Variants in MYO1D observed in about 807,000 individuals in gnomAD.
MYO1D encodes unconventional myosin-Id.
A neutral mutation model predicts 122.0 loss-of-function variants in MYO1D; 83 were observed. That is an observed-to-expected ratio of 0.68 (90% CI 0.57 to 0.82). The LOEUF is 0.82. MYO1D is among the 40% of genes least tolerant of loss of function. The pLI, the probability that MYO1D is intolerant of heterozygous loss-of-function variation, is 0.00. For missense variants in MYO1D, 1,157 were observed against 1,269.5 expected (o/e 0.91, Z 1.35); for synonymous variants, 464 against 446.9 (o/e 1.04, Z -0.48).
At chr17:32,804,279 T>C (rs2090488536) in intron 1 of MYO1D, among the ~76,000 whole-genome samples, 1 of 152,220 alleles carries the variant, frequency 6.6e-6, no homozygotes, top group Non-Finnish European at 1.5e-5. Context: ...AGTACAGATG[T>C]AGATTTCCAA....
intron 1 of MYO1D, among the ~76,000 whole-genome samples, chr17:32,830,959 G>GGCAGGAGAATCGCTTGAAC (rs1446535270): frequency 3.3e-4 from 51 of 152,268 alleles, no homozygotes; most frequent in African/African-American, 1.2e-3. Context: ...GGGAGGCTGA[G>GGCAGGAGAATCGCTTGAAC]GCAGGAGAAT....
intron 8 of MYO1D, among the ~76,000 whole-genome samples, chr17:32,764,620 T>C (rs1048048165): frequency 1.3e-5 from 2 of 152,186 alleles, no homozygotes; most frequent in Admixed American, 6.5e-5. Flanking sequence ...CGAAGCATTA[T>C]TGAGTGAGAG....
At chr17:32,527,175 G>T (rs1247078504) in intron 21 of MYO1D, among the ~76,000 whole-genome samples, 1 of 152,178 alleles carries the variant, frequency 6.6e-6, no homozygotes, top group Non-Finnish European at 1.5e-5. Flanking sequence ...ATTTGGCCTG[G>T]GATCCAACTT....
At chr17:32,514,413 C>T (rs1346026976) in intron 21 of MYO1D, among the ~76,000 whole-genome samples, 2 of 152,066 alleles carry the variant, frequency 1.3e-5, no homozygotes, top group African/African-American at 4.8e-5. Flanking sequence ...TCTTTTTATT[C>T]AATGTTAGTC....
intron 1 of MYO1D, among the ~76,000 whole-genome samples, chr17:32,833,931 A>G (rs752952502): frequency 1.3e-5 from 2 of 150,924 alleles, no homozygotes; most frequent in Non-Finnish European, 2.9e-5. Context: ...CTCTCTCCAC[A>G]TTGTGCTTTT....
intron 1 of MYO1D, among the ~76,000 whole-genome samples, chr17:32,802,419 T>A (rs562108982): frequency 5.3e-5 from 8 of 152,166 alleles, no homozygotes; most frequent in Admixed American, 1.3e-4. Context: ...AAGAAAAAAA[T>A]TTTTTTCTGG....
intron 21 of MYO1D, chr17:32,499,219 G>A (rs1440624063): frequency 6.6e-6 from 1 of 151,976 alleles, no homozygotes; most frequent in Non-Finnish European, 1.5e-5. Flanking sequence ...CATCCTACAA[G>A]TGTCAAGCAT....
At chr17:32,616,539 T>C (rs2087771098) in intron 20 of MYO1D, among the ~76,000 whole-genome samples, 1 of 151,910 alleles carries the variant, frequency 6.6e-6, no homozygotes, top group Non-Finnish European at 1.5e-5. Flanking sequence ...AGACTGGTCT[T>C]GAATTCCAGG....
chr17:32,594,255 G>T (rs1272834254), intron 21 of MYO1D: 2 of 279,264 alleles, frequency 7.2e-6, no homozygotes, highest in Non-Finnish European at 1.3e-5. Flanking sequence ...TCTGTAAGAT[G>T]TACCCTTATT....
At chr17:32,797,524 A>C (rs1056750752) in intron 1 of MYO1D, among the ~76,000 whole-genome samples, 1 of 152,252 alleles carries the variant, frequency 6.6e-6, no homozygotes, top group Non-Finnish European at 1.5e-5. Context: ...TCACATTCAT[A>C]TAACTTTTAT....
At chr17:32,496,817 TG>T (rs745505424) in intron 21 of MYO1D, 6 of 152,416 alleles carry the variant, frequency 3.9e-5, no homozygotes, top group South Asian at 2.1e-4. Flanking sequence ...CGCCCTTCCC[TG>T]GGGAACTGCA....
intron 20 of MYO1D, among the ~76,000 whole-genome samples, chr17:32,627,304 G>A (rs1168236446): frequency 2.0e-5 from 3 of 152,178 alleles, no homozygotes; most frequent in Non-Finnish European, 2.9e-5. Context: ...CAGCACAGGC[G>A]GTGCCAGACG....
intron 19 of MYO1D, among the ~76,000 whole-genome samples, chr17:32,640,014 ATAGCAAACTAAAATTTAAATTT>A (rs2088173067): frequency 6.6e-6 from 1 of 152,188 alleles, no homozygotes; most frequent in Non-Finnish European, 1.5e-5. Flanking sequence ...TAGGGAGGAT[ATAGCAAACTAAAATTTAAATTT>A]TAGTTTGAAT....
At chr17:32,743,859 C>G (rs1311942911) in intron 13 of MYO1D, among the ~76,000 whole-genome samples, 1 of 151,806 alleles carries the variant, frequency 6.6e-6, no homozygotes, top group East Asian at 1.9e-4. Flanking sequence ...ACCTTGTGAT[C>G]TGCCCGCCTC....
chr17:32,864,259 C>T (rs949130279), intron 1 of MYO1D, among the ~76,000 whole-genome samples: 1 of 151,744 alleles, frequency 6.6e-6, no homozygotes, highest in Non-Finnish European at 1.5e-5. Flanking sequence ...TCCTCAGGCA[C>T]CTCCATGACC....
At chr17:32,564,732 C>G (rs892065606) in intron 21 of MYO1D, among the ~76,000 whole-genome samples, 1 of 152,174 alleles carries the variant, frequency 6.6e-6, no homozygotes, top group Non-Finnish European at 1.5e-5. Context: ...GCTGGAAGCC[C>G]TTCCACATAG....
intron 1 of MYO1D, among the ~76,000 whole-genome samples, chr17:32,829,552 C>G (rs1445100655): frequency 6.6e-6 from 1 of 152,190 alleles, no homozygotes; most frequent in Non-Finnish European, 1.5e-5. Context: ...CTCCTGGGTT[C>G]AAGCTATTCT....
chr17:32,766,821 ATTC>A (rs2090064034), intron 7 of MYO1D, among the ~76,000 whole-genome samples: 1 of 70,034 alleles, frequency 1.4e-5, no homozygotes, highest in Non-Finnish European at 3.1e-5. Context: ...AAAAAATAAA[ATTC>A]TTGTTTGGAT....
At chr17:32,589,837 T>C (rs911890830) in intron 21 of MYO1D, among the ~76,000 whole-genome samples, 2 of 152,238 alleles carry the variant, frequency 1.3e-5, no homozygotes, top group African/African-American at 4.8e-5. Context: ...AATTTTGTTA[T>C]AGTTTTTACT....
Sources: gnomAD v4.1 joint callset for allele counts (sites outside exome capture counted in the v4.1 genomes callset) on GRCh38, gnomAD v4.1.1 for gene constraint, MANE v1.5 for transcripts, NCBI Gene and HGNC (gene_info 2026-07-23, HGNC 2026-07-21) for gene names.